The following CNTNAP5 variants were observed in gnomAD, a reference collection of about 807,000 sequenced individuals.
CNTNAP5 encodes contactin-associated protein-like 5.
Under a neutral mutation model 150.2 loss-of-function variants are expected in CNTNAP5, and 72 were observed. That is an observed-to-expected ratio of 0.48 (90% CI 0.40 to 0.58). The LOEUF (loss-of-function observed/expected upper bound fraction) is 0.58. CNTNAP5 is among the 20% of genes least tolerant of loss of function. The pLI is 0.00. For synonymous variants in CNTNAP5, 672 were observed against 619.8 expected, an observed-to-expected ratio of 1.08 and a Z score of -1.25; for missense variants, 1,636 against 1,626.2, an observed-to-expected ratio of 1.01 and a Z score of -0.10.
Position 124,406,934 on chromosome 2 carries a change from T to C in CNTNAP5, c.382-10509T>C, listed in dbSNP as rs570474552. Among the ~76,000 whole-genome samples, 4 of 152,346 alleles carry C rather than the reference T, an allele frequency of 2.6e-5. No individual in the cohort carries two copies. The East Asian group carries it at 7.7e-4, about 29-fold the overall frequency. ...TCAACTTACTTTTAGCTCTCACATATGAGTGCAGACATGTGAAGCTTGTCT... is the reference window on the plus strand; with the variant it reads ...TCAACTTACTTTTAGCTCTCACATACGAGTGCAGACATGTGAAGCTTGTCT... On this transcript the variant is annotated intron_variant, in intron 3 of 23. Transcript: ENST00000682447.
intron 19 of CNTNAP5, among the ~76,000 whole-genome samples, chr2:124,827,853 T>A (rs1179563711): frequency 6.6e-6 from 1 of 152,182 alleles, no homozygotes; most frequent in African/African-American, 2.4e-5. Flanking sequence ...AGTTTCTGTG[T>A]TTTCTTCCCC....
chr2:124,196,280 G>A (rs1285645957), intron 1 of CNTNAP5, among the ~76,000 whole-genome samples: 1 of 152,052 alleles, frequency 6.6e-6, no homozygotes. Context: ...GGACTGGAGT[G>A]GATTTTCAAT....
intron 14 of CNTNAP5, among the ~76,000 whole-genome samples, chr2:124,749,105 A>T (rs776385574): frequency 9.9e-5 from 15 of 152,206 alleles, no homozygotes; most frequent in Non-Finnish European, 2.2e-4. Context: ...AATTATCGCA[A>T]GATGGCACCT....
At position 124,786,591 on chromosome 2, in the gene CNTNAP5, GAGAA is replaced by G. The variant is rs1321273664; in HGVS notation, c.2753-3304_2753-3301del. On this transcript the variant is annotated intron_variant, in intron 17 of 23. Coordinates refer to ENST00000682447, the MANE Select transcript of CNTNAP5 (RefSeq NM_001367498.1). ...CAGAGAGAAAGAAAGAAAAAAGAAA[GAGAA>G]AGAAAGGTAGGAAGGAAGCAGGAAA... 1.2e-4 allele frequency among the ~76,000 whole-genome samples: 18 copies of G among 151,848 alleles called. No homozygotes were observed. The East Asian group carries it at 3.3e-3, about 28-fold the overall frequency.
At chr2:124,359,498 T>G in intron 3 of CNTNAP5, among the ~76,000 whole-genome samples, 1 of 151,796 alleles carries the variant, frequency 6.6e-6, no homozygotes, top group Admixed American at 6.6e-5. Flanking sequence ...GATTCTGGTA[T>G]GTTGTGTCTT....
chr2:124,818,611 C>A (rs1210189035), intron 19 of CNTNAP5, among the ~76,000 whole-genome samples: 4 of 152,138 alleles, frequency 2.6e-5, no homozygotes, highest in Non-Finnish European at 5.9e-5. Flanking sequence ...TGAATCCAAG[C>A]ACTGCTGACC....
chr2:124,145,730 C>T, intron 1 of CNTNAP5, among the ~76,000 whole-genome samples: 1 of 120,612 alleles, frequency 8.3e-6, no homozygotes, highest in Non-Finnish European at 1.7e-5. Flanking sequence ...ACCAGCATGG[C>T]ACATGTATAC....
chr2:124,367,126 G>C (rs990502152), intron 3 of CNTNAP5, among the ~76,000 whole-genome samples: 1 of 152,190 alleles, frequency 6.6e-6, no homozygotes, highest in African/African-American at 2.4e-5. Flanking sequence ...AATGCTGAAG[G>C]ATAATTATTA....
At chr2:124,781,613 T>A (rs1047576412) in intron 17 of CNTNAP5, among the ~76,000 whole-genome samples, 1 of 152,156 alleles carries the variant, frequency 6.6e-6, no homozygotes, top group Non-Finnish European at 1.5e-5. Flanking sequence ...GGCCTAAGAC[T>A]GACCATCCTT....
intron 18 of CNTNAP5, among the ~76,000 whole-genome samples, chr2:124,791,223 A>G (rs1443292523): frequency 1.3e-5 from 2 of 152,210 alleles, no homozygotes; most frequent in South Asian, 2.1e-4. Context: ...TTTGAAGGAT[A>G]CTATAGTTTG....
At chr2:124,065,250 C>T (rs933396818) in intron 1 of CNTNAP5, among the ~76,000 whole-genome samples, 4 of 152,050 alleles carry the variant, frequency 2.6e-5, no homozygotes, top group Non-Finnish European at 4.4e-5. Flanking sequence ...TAGAGTTGAA[C>T]AAATAAATGG....
At chr2:124,597,167 G>C (rs1351695303) in intron 11 of CNTNAP5, among the ~76,000 whole-genome samples, 1 of 148,072 alleles carries the variant, frequency 6.8e-6, no homozygotes, top group African/African-American at 2.5e-5. Flanking sequence ...TGTTATGTGT[G>C]AATTTGATCC....
In CNTNAP5 at chr2:124,855,383, G is replaced by T. The variant is rs564030432; in HGVS notation, c.3218-9923G>T. ...AGTAGAGGCAGGGTTTCGCCATGTT[G>T]GTCAGGCTCGAACTCCTGACCTCAA... On this transcript the variant is annotated intron_variant, in intron 19 of 23. Coordinates refer to ENST00000682447, the MANE Select transcript of CNTNAP5 (RefSeq NM_001367498.1). 2.6e-5 allele frequency among the ~76,000 whole-genome samples: 4 copies of T among 152,062 alleles called. No homozygotes were observed. The South Asian group carries it at 6.2e-4, about 24-fold the overall frequency.
chr2:124,871,600 A>G (rs1677749468), intron 21 of CNTNAP5, among the ~76,000 whole-genome samples: 1 of 152,112 alleles, frequency 6.6e-6, no homozygotes, highest in Non-Finnish European at 1.5e-5. Context: ...TCAAAGACTC[A>G]CTGGCACATC....
intron 1 of CNTNAP5, among the ~76,000 whole-genome samples, chr2:124,078,144 G>A (rs1682480263): frequency 6.6e-6 from 1 of 152,188 alleles, no homozygotes; most frequent in Admixed American, 6.5e-5. Flanking sequence ...TCTACAAATT[G>A]TAGCATATAA....
chr2:124,107,002 T>G lies in CNTNAP5; in HGVS notation c.82+81270T>G, dbSNP rs569827155. Among the ~76,000 whole-genome samples, 8 of 151,000 alleles carry G rather than the reference T, an allele frequency of 5.3e-5. No individual in the cohort carries two copies. In the South Asian group the frequency reaches 1.7e-3, roughly 32 times the overall value. On this transcript the variant is annotated intron_variant, in intron 1 of 23. Transcript: ENST00000682447. The stretch of plus-strand genomic sequence containing the variant: ...TCAGAAGCGTTGTGAATAAAACAGT[T>G]CAGATCAGTGCTCCTGAAGCACCAG...
intron 11 of CNTNAP5, among the ~76,000 whole-genome samples, chr2:124,567,486 G>A (rs1188216540): frequency 6.6e-6 from 1 of 152,156 alleles, no homozygotes; most frequent in Admixed American, 6.5e-5. Context: ...ACCTCATAAA[G>A]TGCCATTGGA....
chr2:124,047,965 A>G (rs571667508), intron 1 of CNTNAP5, among the ~76,000 whole-genome samples: 5 of 152,294 alleles, frequency 3.3e-5, no homozygotes, highest in African/African-American at 1.2e-4. Flanking sequence ...ACACACACTC[A>G]GGCACATGCA....
chr2:124,555,479 G>A (rs1383347950), intron 10 of CNTNAP5, among the ~76,000 whole-genome samples: 1 of 152,118 alleles, frequency 6.6e-6, no homozygotes, highest in Admixed American at 6.6e-5. Context: ...GACCAAATAT[G>A]AATCCTCAAT....
Sources: gnomAD v4.1 joint callset for allele counts (sites outside exome capture counted in the v4.1 genomes callset) on GRCh38, gnomAD v4.1.1 for gene constraint, MANE v1.5 for transcripts, NCBI Gene and HGNC (gene_info 2026-07-23, HGNC 2026-07-21) for gene names.